UBL3: variants seen among roughly 807,000 people sequenced by gnomAD.
UBL3 encodes ubiquitin like 3.
A neutral mutation model predicts 18.4 loss-of-function variants in UBL3; 6 were observed. The ratio of observed to expected loss-of-function variants is 0.33; its 90% confidence interval spans 0.18 to 0.64. The LOEUF (loss-of-function observed/expected upper bound fraction) is 0.64, where lower values mean the gene tolerates loss of function less well. Ranked by LOEUF, UBL3 falls within the 30% of genes least tolerant of loss-of-function variation. The pLI, the probability that UBL3 is intolerant of heterozygous loss-of-function variation, is 0.76. For missense variants in UBL3, 109 were observed against 142.9 expected (o/e 0.76, Z 1.21); for synonymous variants, 49 against 46.6 (o/e 1.05, Z -0.21).
In UBL3 at chr13:29,772,118, A is replaced by C. The variant is rs774882121; in HGVS notation, c.217T>G (p.Leu73Val). 1.2e-6 allele frequency: 2 copies of C among 1,611,500 alleles called. No homozygotes were observed. The highest frequency in any genetic ancestry group is 1.7e-6 in the Non-Finnish European group (2 of 1,178,328). Reference sequence around the variant, plus strand: ...TTACAAAGGTGGCTGTTACCTCCTAATGTGACATTTCCATGTAGAAATCGT... The same window carrying C: ...TTACAAAGGTGGCTGTTACCTCCTACTGTGACATTTCCATGTAGAAATCGT... ...QGRFLHGNVT[L>V]GALKLPFGKT... The change falls in exon 3 of 5, where the codon TTA (leucine) becomes GTA (valine). Residue 73 changes from leucine (L) to valine (V), a missense_variant. Leu to Val is a conservative substitution (Grantham distance 32). Coordinates refer to ENST00000380680, the MANE Select transcript of UBL3 (RefSeq NM_007106.4).
At chr13:29,844,615 C>G (rs1879185650) in intron 1 of UBL3, among the ~76,000 whole-genome samples, 1 of 152,136 alleles carries the variant, frequency 6.6e-6, no homozygotes. Flanking sequence ...TCCAAGTATT[C>G]AGAAAATTTA....
chr13:29,846,704 C>A (rs1179914215), intron 1 of UBL3, among the ~76,000 whole-genome samples: 1 of 152,138 alleles, frequency 6.6e-6, no homozygotes, highest in African/African-American at 2.4e-5. Flanking sequence ...ACCACTCCAT[C>A]CCATCTCCCC....
Position 29,819,298 on chromosome 13 carries a change from T to C in UBL3, c.27+30214A>G, listed in dbSNP as rs189771514. 5.9e-5 allele frequency among the ~76,000 whole-genome samples: 9 copies of C among 152,326 alleles called. No homozygotes were observed. In the East Asian group the frequency reaches 1.7e-3, roughly 29 times the overall value. On this transcript the variant is annotated intron_variant, in intron 1 of 4. Coordinates refer to ENST00000380680, the MANE Select transcript of UBL3 (RefSeq NM_007106.4). ...TAGCTTTGGGACAGAAAAGGAGAAC[T>C]ATGAAGCGTAAAACGAAAGGCAAAG...
intron 1 of UBL3, among the ~76,000 whole-genome samples, chr13:29,789,181 G>A (rs1212807957): frequency 6.6e-6 from 1 of 152,154 alleles, no homozygotes; most frequent in African/African-American, 2.4e-5. Flanking sequence ...TTACAGGTGT[G>A]AGCCACCACG....
At chr13:29,839,652 G>T (rs1201540921) in intron 1 of UBL3, among the ~76,000 whole-genome samples, 1 of 152,120 alleles carries the variant, frequency 6.6e-6, no homozygotes, top group Non-Finnish European at 1.5e-5. Flanking sequence ...AATAGGCCGG[G>T]CGCAGTGGCT....
chr13:29,825,424 TG>T lies in UBL3; in HGVS notation c.27+24087del, dbSNP rs1296888047. 2.6e-5 allele frequency among the ~76,000 whole-genome samples: 4 copies of T among 152,196 alleles called. No individual in the cohort carries two copies. The East Asian group carries it at 7.7e-4, about 29-fold the overall frequency. ...CCTTGAAGAGGTCCTTCACATCCCT[TG>T]TAAGTTGGATTCCTAGGTATTTTAT... On this transcript the variant is annotated intron_variant, in intron 1 of 4. Transcript: ENST00000380680.
Position 29,777,266 on chromosome 13 carries a change from G to A in UBL3, c.28-3C>T. The A allele has an allele frequency of 6.3e-7, 1 of 1,599,764 alleles. No homozygotes were observed. ...ACCAAAATGAGGCGCAAATTTATCTGAAAGAAGACAATGATTCTTTTAACA... is the reference window on the plus strand; with the variant it reads ...ACCAAAATGAGGCGCAAATTTATCTAAAAGAAGACAATGATTCTTTTAACA... On this transcript the variant is annotated splice_polypyrimidine_tract_variant and splice_region_variant and intron_variant, in intron 1 of 4. Transcript: ENST00000380680.
intron 1 of UBL3, among the ~76,000 whole-genome samples, chr13:29,840,833 A>C (rs1304251825): frequency 6.6e-6 from 1 of 152,176 alleles, no homozygotes; most frequent in African/African-American, 2.4e-5. Flanking sequence ...ATGAATATGG[A>C]ATTCGCTAAA....
chr13:29,798,871 A>G (rs1243213958), intron 1 of UBL3, among the ~76,000 whole-genome samples: 1 of 152,194 alleles, frequency 6.6e-6, no homozygotes, highest in Non-Finnish European at 1.5e-5. Context: ...TGAGAACAGT[A>G]TGTGTTGCCT....
intron 1 of UBL3, among the ~76,000 whole-genome samples, chr13:29,791,346 A>G (rs1877473647): frequency 2.6e-5 from 4 of 152,214 alleles, no homozygotes; most frequent in Non-Finnish European, 5.9e-5. Flanking sequence ...CAAGTGCTGC[A>G]CAGTACTTTC....
chr13:29,833,193 T>C (rs1321754042), intron 1 of UBL3, among the ~76,000 whole-genome samples: 1 of 151,116 alleles, frequency 6.6e-6, no homozygotes, highest in African/African-American at 2.5e-5. Context: ...AGTCAGACAC[T>C]GAGATCTGTA....
chr13:29,792,847 C>T (rs1483900649), intron 1 of UBL3, among the ~76,000 whole-genome samples: 1 of 152,132 alleles, frequency 6.6e-6, no homozygotes, highest in African/African-American at 2.4e-5. Context: ...AAACGACAAG[C>T]AAAAGTGACA....
At position 29,849,578 on chromosome 13, in the gene UBL3, CAAACAAAG is replaced by C. The variant is rs1363255366; in HGVS notation, c.-48_-41del. 1.9e-6 allele frequency: 3 copies of C among 1,610,880 alleles called. No homozygotes were observed. The African/African-American group carries it at 4.0e-5, about 22-fold the overall frequency. On this transcript the variant is annotated 5_prime_UTR_variant, in exon 1 of 5. Coordinates refer to ENST00000380680, the MANE Select transcript of UBL3 (RefSeq NM_007106.4). ...TACACCCAGATGTTTACGAAAAAAA[CAAACAAAG>C]AAAAAAGAGCAGAAGTCTTCACGTT...
intron 1 of UBL3, among the ~76,000 whole-genome samples, chr13:29,810,475 G>A (rs1034987974): frequency 2.6e-5 from 4 of 151,966 alleles, no homozygotes; most frequent in Admixed American, 1.3e-4. Context: ...ATGTATATGG[G>A]GTCACAGAAA....
At chr13:29,839,456 A>T (rs1356278224) in intron 1 of UBL3, among the ~76,000 whole-genome samples, 1 of 152,216 alleles carries the variant, frequency 6.6e-6, no homozygotes, top group African/African-American at 2.4e-5. Context: ...AGGGAATTTC[A>T]TATACATTTT....
chr13:29,840,670 T>C (rs1566002427), intron 1 of UBL3, among the ~76,000 whole-genome samples: 1 of 152,194 alleles, frequency 6.6e-6, no homozygotes, highest in Non-Finnish European at 1.5e-5. Context: ...TATATATCCT[T>C]CTCTTTCCCA....
At chr13:29,788,670 A>G (rs1877388181) in intron 1 of UBL3, among the ~76,000 whole-genome samples, 1 of 152,190 alleles carries the variant, frequency 6.6e-6, no homozygotes. Context: ...TCTGCTATAT[A>G]CTAACTGAAA....
intron 1 of UBL3, among the ~76,000 whole-genome samples, chr13:29,796,864 A>C (rs1877627401): frequency 6.6e-6 from 1 of 152,182 alleles, no homozygotes; most frequent in Non-Finnish European, 1.5e-5. Context: ...TCAGCCTTTC[A>C]CTAGGTACTG....
chr13:29,789,578 G>C (rs1877430406), intron 1 of UBL3, among the ~76,000 whole-genome samples: 1 of 152,214 alleles, frequency 6.6e-6, no homozygotes, highest in African/African-American at 2.4e-5. Context: ...AGAAAATACA[G>C]AGATGATCAA....
Sources: gnomAD v4.1 joint callset for allele counts (sites outside exome capture counted in the v4.1 genomes callset) on GRCh38, gnomAD v4.1.1 for gene constraint, MANE v1.5 for transcripts, NCBI Gene and HGNC (gene_info 2026-07-23, HGNC 2026-07-21) for gene names.